Variants in SLC35F3 observed in about 807,000 individuals in gnomAD.
SLC35F3 encodes the protein solute carrier family 35 member F3, also known as putative thiamine transporter SLC35F3.
Under a neutral mutation model 49.9 loss-of-function variants are expected in SLC35F3, and 25 were observed. That is an observed-to-expected ratio of 0.50 (90% CI 0.37 to 0.70). SLC35F3 has a LOEUF of 0.70. Ranked by LOEUF, SLC35F3 falls within the 30% of genes least tolerant of loss-of-function variation. SLC35F3 has a pLI of 0.00. For missense variants in SLC35F3, 525 were observed against 639.8 expected (o/e 0.82, Z 1.94); for synonymous variants, 275 against 265.4 (o/e 1.04, Z -0.35).
At chr1:234,056,806 T>C (rs1664462800) in intron 2 of SLC35F3, among the ~76,000 whole-genome samples, 1 of 152,214 alleles carries the variant, frequency 6.6e-6, no homozygotes. Context: ...ACCTTATGTT[T>C]TGGTCTTTGA....
chr1:234,072,255 G>A lies in SLC35F3; in HGVS notation c.284-159162G>A, dbSNP rs559845963. On this transcript the variant is annotated intron_variant, in intron 2 of 7. Coordinates refer to ENST00000366618, the MANE Select transcript of SLC35F3 (RefSeq NM_173508.4). Reference sequence around the variant, plus strand: ...CATTTATTTATCTGTGAAGAAGGTTGCACTTAATAAAAGGCACTTGCTATG... The same window carrying A: ...CATTTATTTATCTGTGAAGAAGGTTACACTTAATAAAAGGCACTTGCTATG... Among the ~76,000 whole-genome samples the A allele has an allele frequency of 6.9e-4, 105 of 152,318 alleles. 1 individual carries two copies. The highest frequency in any genetic ancestry group is 2.4e-3 in the African/African-American group (98 of 41,564).
intron 2 of SLC35F3, among the ~76,000 whole-genome samples, chr1:234,120,170 G>A (rs557843421): frequency 6.6e-6 from 1 of 152,330 alleles, no homozygotes; most frequent in South Asian, 2.1e-4. Flanking sequence ...GTTTCTTAGA[G>A]ATAAAATTGA....
chr1:234,190,306 T>A (rs1006393345), intron 2 of SLC35F3, among the ~76,000 whole-genome samples: 1 of 152,218 alleles, frequency 6.6e-6, no homozygotes, highest in Non-Finnish European at 1.5e-5. Flanking sequence ...CAACTAAGTG[T>A]CTGCTACCTT....
intron 3 of SLC35F3, among the ~76,000 whole-genome samples, chr1:234,270,581 A>C (rs984243645): frequency 6.6e-6 from 1 of 152,172 alleles, no homozygotes; most frequent in Non-Finnish European, 1.5e-5. Flanking sequence ...CATTCACTTC[A>C]CCCTCATCCT....
chr1:233,982,176 C>T (rs954463214), intron 2 of SLC35F3, among the ~76,000 whole-genome samples: 4 of 152,138 alleles, frequency 2.6e-5, no homozygotes, highest in Admixed American at 2.0e-4. Flanking sequence ...CTGCCCGCCT[C>T]GGCCTTCCAA....
At chr1:234,296,664 G>A (rs1237657957) in intron 3 of SLC35F3, among the ~76,000 whole-genome samples, 1 of 152,188 alleles carries the variant, frequency 6.6e-6, no homozygotes, top group Non-Finnish European at 1.5e-5. Context: ...GTGGACCAGC[G>A]ATGCTTTGGG....
intron 2 of SLC35F3, among the ~76,000 whole-genome samples, chr1:234,139,951 TA>T (rs149058447): frequency 6.6e-5 from 6 of 90,582 alleles, no homozygotes; most frequent in Non-Finnish European, 1.1e-4. Context: ...CATCTCAAAA[TA>T]ATAAAATAAA....
intron 2 of SLC35F3, among the ~76,000 whole-genome samples, chr1:234,194,508 G>C (rs1296338637): frequency 2.6e-5 from 4 of 152,052 alleles, no homozygotes; most frequent in African/African-American, 9.7e-5. Flanking sequence ...TACTGCTCAG[G>C]TGATGCATGC....
chr1:234,241,462 C>T (rs962812655), intron 3 of SLC35F3, among the ~76,000 whole-genome samples: 101 of 152,206 alleles, frequency 6.6e-4, no homozygotes, highest in African/African-American at 2.2e-3. Flanking sequence ...CCAGGACAGC[C>T]GCGGTGGCTC....
In SLC35F3 at chr1:234,012,906, A is replaced by G. The variant is rs78735270; in HGVS notation, c.283+107148A>G. On this transcript the variant is annotated intron_variant, in intron 2 of 7. Transcript: ENST00000366618. ...TAATAGTATGGGACTCTAATACCCC[A>G]CTACCAACAATGGATATATCATCTA... Among the ~76,000 whole-genome samples, 92 of 152,334 alleles carry G rather than the reference A, an allele frequency of 6.0e-4. 1 individual carries two copies. In the East Asian group the frequency reaches 0.014, roughly 24 times the overall value.
intron 2 of SLC35F3, among the ~76,000 whole-genome samples, chr1:234,073,231 A>T (rs753948581): frequency 6.6e-6 from 1 of 151,894 alleles, no homozygotes; most frequent in African/African-American, 2.4e-5. Flanking sequence ...GCAGCCTTGA[A>T]CTCCTGGGCT....
At chr1:234,007,551 G>A (rs1298023118) in intron 2 of SLC35F3, among the ~76,000 whole-genome samples, 1 of 152,240 alleles carries the variant, frequency 6.6e-6, no homozygotes, top group East Asian at 1.9e-4. Flanking sequence ...GCCGAACGAA[G>A]TGGGGAGCTA....
chr1:234,126,177 C>T (rs1665644386), intron 2 of SLC35F3, among the ~76,000 whole-genome samples: 1 of 152,188 alleles, frequency 6.6e-6, no homozygotes, highest in Non-Finnish European at 1.5e-5. Flanking sequence ...CTAACTGCAT[C>T]TTTCAGATTC....
intron 2 of SLC35F3, among the ~76,000 whole-genome samples, chr1:234,188,497 T>C (rs957304075): frequency 6.6e-6 from 1 of 152,084 alleles, no homozygotes; most frequent in Non-Finnish European, 1.5e-5. Context: ...AACACAATTC[T>C]ATTGACCTGG....
intron 2 of SLC35F3, among the ~76,000 whole-genome samples, chr1:234,072,137 C>G (rs1664720540): frequency 6.6e-6 from 1 of 152,222 alleles, no homozygotes; most frequent in Non-Finnish European, 1.5e-5. Context: ...GTTGCTAACT[C>G]CAAGGATTTC....
chr1:234,044,000 G>C (rs1479507823), intron 2 of SLC35F3, among the ~76,000 whole-genome samples: 1 of 152,106 alleles, frequency 6.6e-6, no homozygotes, highest in Non-Finnish European at 1.5e-5. Context: ...ATGTAACAGT[G>C]TTGACAGGTA....
intron 2 of SLC35F3, among the ~76,000 whole-genome samples, chr1:234,022,834 T>C (rs1205494952): frequency 6.6e-6 from 1 of 152,216 alleles, no homozygotes; most frequent in African/African-American, 2.4e-5. Context: ...CTAATACTAA[T>C]AAGATATATT....
intron 2 of SLC35F3, among the ~76,000 whole-genome samples, chr1:234,182,398 G>A (rs932530028): frequency 2.0e-5 from 3 of 152,186 alleles, no homozygotes; most frequent in Non-Finnish European, 4.4e-5. Context: ...GGAGCCCTGT[G>A]TCTTTCAGTA....
intron 2 of SLC35F3, among the ~76,000 whole-genome samples, chr1:233,984,559 G>A (rs892294189): frequency 6.6e-6 from 1 of 152,212 alleles, no homozygotes; most frequent in Non-Finnish European, 1.5e-5. Flanking sequence ...CTTGAAGTGA[G>A]GGCTTACAGG....
Sources: allele counts gnomAD v4.1 joint callset (sites outside exome capture counted in the v4.1 genomes callset), GRCh38; gene constraint gnomAD v4.1.1; transcripts MANE v1.5; gene names NCBI Gene and HGNC (gene_info 2026-07-23, HGNC 2026-07-21).